The following AKAP13 variants were observed in gnomAD, a reference collection of about 807,000 sequenced individuals.
AKAP13 encodes A-kinase anchor protein 13.
AKAP13 carries 80 observed loss-of-function variants against 264.5 expected under a neutral mutation model. The observed-to-expected ratio is 0.30, with a 90% CI of 0.25 to 0.36. AKAP13 has a LOEUF of 0.36. Ranked by LOEUF, AKAP13 falls within the 10% of genes least tolerant of loss-of-function variation. The pLI, the probability that AKAP13 is intolerant of heterozygous loss-of-function variation, is 1.00. For missense variants in AKAP13, 3,712 were observed against 3,435.2 expected (o/e 1.08, Z -2.01); for synonymous variants, 1,380 against 1,250.2 (o/e 1.10, Z -2.19).
At chr15:85,392,780 C>G (rs1299571372) in intron 1 of AKAP13, among the ~76,000 whole-genome samples, 2 of 152,134 alleles carry the variant, frequency 1.3e-5, no homozygotes, top group African/African-American at 4.8e-5. Flanking sequence ...CCAGGCTAAT[C>G]GTGGCACCAT....
intron 1 of AKAP13, among the ~76,000 whole-genome samples, chr15:85,468,932 T>TTTTTGAGACGG (rs1567072793): frequency 9.4e-5 from 13 of 137,698 alleles, no homozygotes; most frequent in African/African-American, 3.2e-4. Flanking sequence ...TTTTTTTTTT[T>TTTTTGAGACGG]AATCAGACTT....
intron 8 of AKAP13, among the ~76,000 whole-genome samples, chr15:85,634,619 G>C (rs2081996576): frequency 6.6e-6 from 1 of 152,136 alleles, no homozygotes; most frequent in Admixed American, 6.5e-5. Context: ...ACCAATATAA[G>C]TTTATAGTTT....
intron 1 of AKAP13, among the ~76,000 whole-genome samples, chr15:85,481,268 C>T (rs1351751121): frequency 6.6e-6 from 1 of 152,144 alleles, no homozygotes; most frequent in Non-Finnish European, 1.5e-5. Context: ...GTAAACTTTG[C>T]ACACCCAGCG....
intron 1 of AKAP13, among the ~76,000 whole-genome samples, chr15:85,438,003 A>G (rs1445301291): frequency 6.9e-5 from 10 of 144,670 alleles, no homozygotes; most frequent in East Asian, 4.0e-4. Context: ...AGGGTATTCA[A>G]TTAGGAAAAG....
At chr15:85,479,329 A>T (rs954455451) in intron 1 of AKAP13, among the ~76,000 whole-genome samples, 46 of 152,002 alleles carry the variant, frequency 3.0e-4, no homozygotes, top group African/African-American at 1.1e-3. Flanking sequence ...CTGAACATTG[A>T]CTCTTTTACA....
chr15:85,565,773 CA>C (rs1342162989), intron 5 of AKAP13, among the ~76,000 whole-genome samples: 1 of 152,164 alleles, frequency 6.6e-6, no homozygotes, highest in South Asian at 2.1e-4. Flanking sequence ...AGAGAGAGAG[CA>C]GGGCCTTGCC....
At chr15:85,545,070 A>G (rs189480736) in intron 5 of AKAP13, among the ~76,000 whole-genome samples, 3 of 152,282 alleles carry the variant, frequency 2.0e-5, no homozygotes, top group Non-Finnish European at 2.9e-5. Context: ...AAGCTTTCTG[A>G]TGGGTGCTAC....
chr15:85,575,138 G>A lies in AKAP13; in HGVS notation c.670G>A (p.Ala224Thr), dbSNP rs2078964452. Residue 224 changes from alanine to threonine, a missense_variant, in exon 6 of 37, where the codon GCT (alanine) becomes ACT (threonine). Ala to Thr is a moderately conservative substitution (Grantham distance 58). Transcript: ENST00000394518. Reference protein sequence around the residue: ...KLHQLLTEENAGEPDSWSSLS... With the variant: ...KLHQLLTEENTGEPDSWSSLS... ...AGAGATGCTTGCATGTAGGGAGAAT[G>A]CTGGAGAACCAGACTCCTGGAGCAG... 1 of 1,614,130 alleles carries A rather than the reference G, an allele frequency of 6.2e-7. No homozygotes were observed. The highest frequency in any genetic ancestry group is 8.5e-7 in the Non-Finnish European group (1 of 1,179,982).
At chr15:85,545,999 CT>C (rs1347257371) in intron 5 of AKAP13, among the ~76,000 whole-genome samples, 1 of 152,142 alleles carries the variant, frequency 6.6e-6, no homozygotes, top group Non-Finnish European at 1.5e-5. Context: ...TCTCCAGCCC[CT>C]GATAACCTCT....
intron 33 of AKAP13, among the ~76,000 whole-genome samples, chr15:85,737,665 C>CT (rs2088640356): frequency 6.6e-6 from 1 of 152,104 alleles, no homozygotes; most frequent in Non-Finnish European, 1.5e-5. Flanking sequence ...CAAACCTGAG[C>CT]TTATGGAAGC....
chr15:85,399,272 G>A (rs933673813), intron 1 of AKAP13, among the ~76,000 whole-genome samples: 2 of 151,426 alleles, frequency 1.3e-5, no homozygotes, highest in Non-Finnish European at 2.9e-5. Flanking sequence ...CGAGGCGGGT[G>A]GATCATGAGG....
intron 1 of AKAP13, chr15:85,415,197 G>C: frequency 7.1e-7 from 1 of 1,413,552 alleles, no homozygotes; most frequent in South Asian, 1.2e-5. Flanking sequence ...CGCAGACCCC[G>C]CTCTGCACGC....
chr15:85,674,149 A>G (rs1368661929), intron 14 of AKAP13, among the ~76,000 whole-genome samples: 1 of 151,986 alleles, frequency 6.6e-6, no homozygotes, highest in Non-Finnish European at 1.5e-5. Flanking sequence ...TTTTAACTTC[A>G]TATGCTTCTT....
intron 29 of AKAP13, among the ~76,000 whole-genome samples, chr15:85,729,762 C>T (rs1597202263): frequency 6.6e-6 from 1 of 151,996 alleles, no homozygotes; most frequent in South Asian, 2.1e-4. Flanking sequence ...CATGGTGAAA[C>T]ACCATCTCTA....
At chr15:85,512,461 A>G (rs934420258) in intron 2 of AKAP13, among the ~76,000 whole-genome samples, 1 of 151,958 alleles carries the variant, frequency 6.6e-6, no homozygotes, top group Non-Finnish European at 1.5e-5. Context: ...GCTATGTAAC[A>G]TGTTCCTTCT....
chr15:85,737,706 T>A (rs966449179), intron 33 of AKAP13, among the ~76,000 whole-genome samples: 3 of 152,142 alleles, frequency 2.0e-5, no homozygotes, highest in African/African-American at 7.2e-5. Context: ...TGCTTGAAAT[T>A]AGCTCACAGC....
At chr15:85,394,461 G>C (rs1402305690) in intron 1 of AKAP13, among the ~76,000 whole-genome samples, 2 of 152,240 alleles carry the variant, frequency 1.3e-5, no homozygotes, top group African/African-American at 4.8e-5. Context: ...TTGAAGGCCA[G>C]GATGTTGTTG....
At chr15:85,578,114 C>T (rs1024341927) in intron 6 of AKAP13, among the ~76,000 whole-genome samples, 1 of 152,148 alleles carries the variant, frequency 6.6e-6, no homozygotes, top group Non-Finnish European at 1.5e-5. Context: ...GAGACCCCGT[C>T]TCTACAAAAA....
At chr15:85,442,508 TATAATATATATTATATTA>T (rs1456259755) in intron 1 of AKAP13, among the ~76,000 whole-genome samples, 203 of 113,234 alleles carry the variant, frequency 1.8e-3, no homozygotes, top group African/African-American at 5.0e-3. Flanking sequence ...TTATATTATA[TATAATATATATTATATTA>T]TATATAATAT....
Sources: gnomAD v4.1 joint callset for allele counts (sites outside exome capture counted in the v4.1 genomes callset) on GRCh38, gnomAD v4.1.1 for gene constraint, MANE v1.5 for transcripts, NCBI Gene and HGNC (gene_info 2026-07-23, HGNC 2026-07-21) for gene names.